The following STXBP5L variants were observed in gnomAD, a reference collection of about 807,000 sequenced individuals.
STXBP5L encodes the protein syntaxin binding protein 5L.
STXBP5L carries 65 observed loss-of-function variants against 144.5 expected under a neutral mutation model. The observed-to-expected ratio is 0.45, with a 90% CI of 0.37 to 0.55. The LOEUF (loss-of-function observed/expected upper bound fraction) is 0.55. STXBP5L is among the 20% of genes least tolerant of loss of function. The pLI is 0.00. For synonymous variants in STXBP5L, 505 were observed against 469.6 expected, an observed-to-expected ratio of 1.08 and a Z score of -0.97; for missense variants, 1,298 against 1,405.5, an observed-to-expected ratio of 0.92 and a Z score of 1.22.
chr3:121,027,394 C>T (rs1040894692), intron 3 of STXBP5L, among the ~76,000 whole-genome samples: 4 of 152,038 alleles, frequency 2.6e-5, no homozygotes, highest in African/African-American at 7.2e-5. Context: ...AGGGTAAGTC[C>T]TTTGAATCTT....
chr3:121,333,855 C>A (rs138390116), intron 20 of STXBP5L, among the ~76,000 whole-genome samples: 1 of 152,132 alleles, frequency 6.6e-6, no homozygotes, highest in Non-Finnish European at 1.5e-5. Flanking sequence ...AGACCAATAA[C>A]AAGCTCCAAA....
rs746588313 is a variant in STXBP5L, at chr3:121,381,298, C to T, written c.2353C>T (p.Arg785Ter). 1.0e-5 allele frequency: 16 copies of T among 1,576,694 alleles called. No individual in the cohort carries two copies. Among genetic ancestry groups the T allele is most frequent in the Non-Finnish European group, 1.2e-5 (14 of 1,168,810 alleles). ...TTTTTTATTTATTTCCATAGAAAAC[C>T]GAGAAAATTCCTATAATCGTTCTAG... ...ISLPVTTEEN[R>*]ENSYNRSRSS... Residue 785 changes from arginine (R) to a stop codon, truncating the protein, a stop_gained, in exon 22 of 27, where the codon CGA becomes TGA. Coordinates refer to ENST00000471454, the MANE Select transcript of STXBP5L (RefSeq NM_001308330.2). LOFTEE classifies it high-confidence loss of function.
At chr3:121,212,455 A>G (rs971491517) in intron 10 of STXBP5L, among the ~76,000 whole-genome samples, 1 of 152,048 alleles carries the variant, frequency 6.6e-6, no homozygotes, top group Non-Finnish European at 1.5e-5. Flanking sequence ...TCCCACCACC[A>G]TTTATTAAAT....
intron 7 of STXBP5L, among the ~76,000 whole-genome samples, chr3:121,147,521 G>C (rs1265642929): frequency 1.3e-5 from 2 of 152,108 alleles, no homozygotes; most frequent in East Asian, 3.9e-4. Context: ...AAGAAAAGCT[G>C]AAAATCAGTG....
chr3:121,340,453 G>A (rs941477697), intron 20 of STXBP5L, among the ~76,000 whole-genome samples: 1 of 151,862 alleles, frequency 6.6e-6, no homozygotes, highest in Admixed American at 6.6e-5. Flanking sequence ...TTTACATTAG[G>A]TGTTTCTCCT....
At chr3:121,289,538 CT>C (rs1280767608) in intron 19 of STXBP5L, among the ~76,000 whole-genome samples, 6 of 152,058 alleles carry the variant, frequency 3.9e-5, no homozygotes, top group Non-Finnish European at 7.4e-5. Context: ...AAACTATACC[CT>C]AGAACAAATG....
chr3:121,202,483 A>G (rs1033694542), intron 9 of STXBP5L, among the ~76,000 whole-genome samples: 4 of 152,132 alleles, frequency 2.6e-5, no homozygotes, highest in African/African-American at 4.8e-5. Flanking sequence ...CTACCTAGTT[A>G]CCTTTACTGG....
rs1172877730 is a variant in STXBP5L at position 121,021,354 on chromosome 3, G to T, written c.288-20346G>T. Among the ~76,000 whole-genome samples, 5 of 152,182 alleles carry T rather than the reference G, an allele frequency of 3.3e-5. No homozygotes were observed. The South Asian group carries it at 6.2e-4, about 19-fold the overall frequency. Reference sequence around the variant, plus strand: ...ATACTCTACTGATAGTACTAGACAGGTCATCAAGTCGGAAAGTGAACAAAG... The same window carrying T: ...ATACTCTACTGATAGTACTAGACAGTTCATCAAGTCGGAAAGTGAACAAAG... On this transcript the variant is annotated intron_variant, in intron 3 of 26. Coordinates refer to ENST00000471454, the MANE Select transcript of STXBP5L (RefSeq NM_001308330.2).
At chr3:121,029,859 T>A (rs181890685) in intron 3 of STXBP5L, among the ~76,000 whole-genome samples, 80 of 148,942 alleles carry the variant, frequency 5.4e-4, no homozygotes, top group African/African-American at 1.6e-3. Context: ...CATGAAAAAG[T>A]GGGCAAAGGA....
At chr3:121,096,995 A>G (rs1271307200) in intron 5 of STXBP5L, among the ~76,000 whole-genome samples, 1 of 152,122 alleles carries the variant, frequency 6.6e-6, no homozygotes, top group African/African-American at 2.4e-5. Context: ...GGTTTTGTCT[A>G]TATGTCCCTT....
chr3:121,351,619 A>T lies in STXBP5L; in HGVS notation c.2177-27097A>T, dbSNP rs1028530307. 2.6e-5 allele frequency among the ~76,000 whole-genome samples: 4 copies of T among 151,780 alleles called. No homozygotes were observed. The South Asian group carries it at 8.3e-4, about 31-fold the overall frequency. On this transcript the variant is annotated intron_variant, in intron 20 of 26. Coordinates refer to ENST00000471454, the MANE Select transcript of STXBP5L (RefSeq NM_001308330.2). ...TTTGTCAGATAGGTAGATTGCAAAA[A>T]TTTTCTCCCATTTATATGGTGCCTG...
intron 2 of STXBP5L, among the ~76,000 whole-genome samples, chr3:120,945,723 T>C (rs1213673458): frequency 6.6e-6 from 1 of 151,766 alleles, no homozygotes; most frequent in African/African-American, 2.4e-5. Context: ...ATAGAGGTCA[T>C]TGGTTTTGGA....
chr3:121,083,872 T>A (rs1029789535), intron 5 of STXBP5L, among the ~76,000 whole-genome samples: 1 of 152,184 alleles, frequency 6.6e-6, no homozygotes, highest in African/African-American at 2.4e-5. Flanking sequence ...ATCTAAGTTG[T>A]TAAATGTATT....
chr3:121,396,789 A>G (rs1026663487), intron 22 of STXBP5L, among the ~76,000 whole-genome samples: 1 of 152,236 alleles, frequency 6.6e-6, no homozygotes, highest in South Asian at 2.1e-4. Context: ...GATTCCCTTC[A>G]GTCAAAGGTC....
chr3:120,988,922 CT>C (rs1942565385), intron 3 of STXBP5L, among the ~76,000 whole-genome samples: 1 of 151,982 alleles, frequency 6.6e-6, no homozygotes, highest in Non-Finnish European at 1.5e-5. Context: ...TGATATTTGA[CT>C]TTATTTCTGA....
chr3:121,349,009 G>A (rs191529946), intron 20 of STXBP5L, among the ~76,000 whole-genome samples: 14 of 152,134 alleles, frequency 9.2e-5, no homozygotes, highest in Non-Finnish European at 1.9e-4. Flanking sequence ...GCTTTTGAAT[G>A]TGTTTGCTCT....
chr3:121,121,797 C>A, intron 7 of STXBP5L, 93 bp downstream of exon 7: 1 of 735,046 alleles, frequency 1.4e-6, no homozygotes. Flanking sequence ...GTATCTAGCC[C>A]AGTTGATAGC....
intron 9 of STXBP5L, among the ~76,000 whole-genome samples, chr3:121,172,384 C>G (rs2046757640): frequency 6.6e-6 from 1 of 152,198 alleles, no homozygotes. Context: ...AAACTACCAT[C>G]AGAGTGGACA....
rs1362265813 is a variant in STXBP5L, at chr3:121,423,920, T to G, written c.*4823T>G. The G allele has an allele frequency of 6.6e-6, 1 of 152,250 alleles. No individual in the cohort carries two copies. The highest frequency in any genetic ancestry group is 2.4e-5 in the African/African-American group (1 of 41,472). 9.4% of individuals were successfully genotyped at this position (152,250 alleles called of 1,614,324 possible). A position where few individuals can be genotyped will look rare whatever the true frequency, so the allele number is the denominator to read the frequency against. ...ACTCTTAATAATCATCTTTGTGATA[T>G]TCTCCTATGTGACTTGTCCATCAAT... On this transcript the variant is annotated 3_prime_UTR_variant, in exon 27 of 27. Coordinates refer to ENST00000471454, the MANE Select transcript of STXBP5L (RefSeq NM_001308330.2).
Sources: gnomAD v4.1 joint callset for allele counts (sites outside exome capture counted in the v4.1 genomes callset) on GRCh38, gnomAD v4.1.1 for gene constraint, MANE v1.5 for transcripts, NCBI Gene and HGNC (gene_info 2026-07-23, HGNC 2026-07-21) for gene names.